The following OSTN variants were observed in gnomAD, a reference collection of about 807,000 sequenced individuals.
OSTN encodes the protein osteocrin.
Under a neutral mutation model 12.0 loss-of-function variants are expected in OSTN, and 9 were observed. The ratio of observed to expected loss-of-function variants is 0.75; its 90% confidence interval spans 0.45 to 1.30. OSTN has a LOEUF of 1.30. OSTN is among the 50% of genes most tolerant of loss of function. OSTN has a pLI of 0.00. For synonymous variants in OSTN, 59 were observed against 56.9 expected (o/e 1.04, Z -0.16); for missense variants, 148 against 152.3 (o/e 0.97, Z 0.15).
chr3:191,261,555 AGAG>A (rs1447315363), intron 4 of OSTN, among the ~76,000 whole-genome samples: 1 of 152,202 alleles, frequency 6.6e-6, no homozygotes, highest in Non-Finnish European at 1.5e-5. Context: ...GATCTAGACA[AGAG>A]GAGGGCTGGC....
chr3:191,230,981 A>C (rs1355228058), intron 3 of OSTN, among the ~76,000 whole-genome samples: 2 of 152,190 alleles, frequency 1.3e-5, no homozygotes, highest in Admixed American at 1.3e-4. Flanking sequence ...CGGGCTTCGG[A>C]AGTTGAGAAT....
intron 3 of OSTN, among the ~76,000 whole-genome samples, chr3:191,221,146 A>G (rs1052169027): frequency 6.6e-6 from 1 of 152,138 alleles, no homozygotes; most frequent in African/African-American, 2.4e-5. Context: ...GGAGAAGGAC[A>G]TGTTTATTTC....
At chr3:191,253,877 T>C (rs2108554113) in intron 4 of OSTN, among the ~76,000 whole-genome samples, 1 of 152,340 alleles carries the variant, frequency 6.6e-6, no homozygotes, top group East Asian at 1.9e-4. Context: ...TGGAGTAAAA[T>C]ACTTTTTATT....
chr3:191,223,564 T>TA (rs1310368376), intron 3 of OSTN, among the ~76,000 whole-genome samples: 21 of 152,154 alleles, frequency 1.4e-4, no homozygotes, highest in African/African-American at 4.8e-4. Flanking sequence ...TAACTGAAAA[T>TA]AAAAAATTAT....
intron 3 of OSTN, among the ~76,000 whole-genome samples, chr3:191,249,097 A>G (rs1418486189): frequency 1.3e-5 from 2 of 152,110 alleles, no homozygotes; most frequent in African/African-American, 4.8e-5. Context: ...CTGCATGTAT[A>G]TTTTGTCAAC....
chr3:191,237,118 G>A (rs1246035507), intron 3 of OSTN, among the ~76,000 whole-genome samples: 1 of 152,148 alleles, frequency 6.6e-6, no homozygotes, highest in Non-Finnish European at 1.5e-5. Context: ...ACATTCTTGT[G>A]AGGCTCTGAT....
intron 3 of OSTN, among the ~76,000 whole-genome samples, chr3:191,225,535 T>C (rs1714887148): frequency 6.6e-6 from 1 of 152,152 alleles, no homozygotes; most frequent in Non-Finnish European, 1.5e-5. Flanking sequence ...ATCATGTTTA[T>C]TGCAGCACTA....
intron 1 of OSTN, among the ~76,000 whole-genome samples, chr3:191,202,325 G>A (rs1182356908): frequency 3.9e-5 from 6 of 152,162 alleles, no homozygotes; most frequent in Non-Finnish European, 8.8e-5. Context: ...TTCCAGAAAG[G>A]ATCTGCTCTT....
chr3:191,217,801 A>C (rs1332210299), intron 2 of OSTN, among the ~76,000 whole-genome samples: 2 of 152,220 alleles, frequency 1.3e-5, no homozygotes, highest in Admixed American at 1.3e-4. Flanking sequence ...AGATGCTTAG[A>C]AACAGAGACT....
intron 3 of OSTN, among the ~76,000 whole-genome samples, chr3:191,237,771 A>T (rs1715229613): frequency 6.6e-6 from 1 of 152,136 alleles, no homozygotes; most frequent in Non-Finnish European, 1.5e-5. Context: ...GCTGGCTGTG[A>T]CCAATTATTA....
At chr3:191,224,881 T>A (rs939529376) in intron 3 of OSTN, among the ~76,000 whole-genome samples, 1 of 151,172 alleles carries the variant, frequency 6.6e-6, no homozygotes, top group Non-Finnish European at 1.5e-5. Context: ...ATGATAGTAA[T>A]AAAAAAATAC....
chr3:191,208,956 G>A (rs1460285907), intron 1 of OSTN, among the ~76,000 whole-genome samples: 5 of 152,144 alleles, frequency 3.3e-5, no homozygotes, highest in African/African-American at 1.2e-4. Context: ...TCAGGAGTTC[G>A]AGAGCAGCCT....
chr3:191,210,373 A>G (rs1206336871), intron 1 of OSTN, among the ~76,000 whole-genome samples: 1 of 152,236 alleles, frequency 6.6e-6, no homozygotes. Flanking sequence ...GGAAAGAGCC[A>G]CAGTAACAAT....
intron 1 of OSTN, among the ~76,000 whole-genome samples, chr3:191,209,848 C>G (rs576929476): frequency 6.6e-6 from 1 of 152,084 alleles, no homozygotes; most frequent in African/African-American, 2.4e-5. Context: ...TTGAAATACT[C>G]TTTGAAGACA....
intron 1 of OSTN, among the ~76,000 whole-genome samples, chr3:191,206,999 T>A (rs1714292782): frequency 6.6e-6 from 1 of 152,122 alleles, no homozygotes; most frequent in Admixed American, 6.6e-5. Context: ...GGGAGAAGAT[T>A]TTAGGCGGTG....
chr3:191,242,675 T>C (rs1715347808), intron 3 of OSTN, among the ~76,000 whole-genome samples: 1 of 152,146 alleles, frequency 6.6e-6, no homozygotes, highest in Non-Finnish European at 1.5e-5. Context: ...CGTACAGATA[T>C]GAGCCACTGT....
At chr3:191,226,868 T>A (rs1378179295) in intron 3 of OSTN, among the ~76,000 whole-genome samples, 1 of 152,138 alleles carries the variant, frequency 6.6e-6, no homozygotes, top group East Asian at 1.9e-4. Context: ...AAATTCTAAA[T>A]GCATCAGAGA....
intron 2 of OSTN, among the ~76,000 whole-genome samples, chr3:191,214,933 T>A (rs1576924665): frequency 1.3e-5 from 2 of 151,834 alleles, no homozygotes; most frequent in Admixed American, 1.3e-4. Context: ...AATCACTTGA[T>A]CCTGGGAGGC....
At chr3:191,260,048 C>A (rs539977987) in intron 4 of OSTN, among the ~76,000 whole-genome samples, 1 of 151,842 alleles carries the variant, frequency 6.6e-6, no homozygotes, top group East Asian at 1.9e-4. Flanking sequence ...GATGGGGTTT[C>A]ACCATGTAGG....
Sources: allele counts gnomAD v4.1 joint callset (sites outside exome capture counted in the v4.1 genomes callset), GRCh38; gene constraint gnomAD v4.1.1; transcripts MANE v1.5; gene names NCBI Gene and HGNC (gene_info 2026-07-23, HGNC 2026-07-21).